RBFOX1: variants seen among roughly 807,000 people sequenced by gnomAD.
RBFOX1 encodes the protein RNA binding fox-1 homolog 1.
In RBFOX1, 8 loss-of-function variants were observed where a neutral mutation model predicts 57.7. That is an observed-to-expected ratio of 0.14 (90% CI 0.08 to 0.25). The LOEUF (loss-of-function observed/expected upper bound fraction) is 0.25. Among genes scored for constraint, RBFOX1 ranks in the 10% least tolerant of loss-of-function variants. The pLI, the probability that RBFOX1 is intolerant of heterozygous loss-of-function variation, is 1.00. For missense variants in RBFOX1, 611 were observed against 548.5 expected (o/e 1.11, Z -1.14); for synonymous variants, 326 against 222.4 (o/e 1.47, Z -4.15).
At chr16:5,919,961 C>T (rs556609838) in intron 4 of RBFOX1, among the ~76,000 whole-genome samples, 67 of 151,990 alleles carry the variant, frequency 4.4e-4, no homozygotes, top group African/African-American at 1.4e-3. Context: ...TTTTTTTAGA[C>T]GGAGTCTCGC....
intron 1 of RBFOX1, among the ~76,000 whole-genome samples, chr16:6,103,806 C>G (rs567272599): frequency 6.6e-6 from 1 of 152,088 alleles, no homozygotes; most frequent in African/African-American, 2.4e-5. Context: ...GAAAGAGTCT[C>G]CCTGGGGCCC....
At chr16:7,247,237 C>T (rs529171233) in intron 4 of RBFOX1, among the ~76,000 whole-genome samples, 1 of 152,238 alleles carries the variant, frequency 6.6e-6, no homozygotes, top group African/African-American at 2.4e-5. Context: ...AGAGAAACTT[C>T]TATTGTGCAA....
chr16:6,513,479 A>G (rs2096295813), intron 2 of RBFOX1, among the ~76,000 whole-genome samples: 1 of 152,146 alleles, frequency 6.6e-6, no homozygotes, highest in Admixed American at 6.5e-5. Flanking sequence ...CACGTCTGTA[A>G]TCTCATCACT....
chr16:7,388,673 A>G (rs1597193712), intron 4 of RBFOX1, among the ~76,000 whole-genome samples: 2 of 116,166 alleles, frequency 1.7e-5, no homozygotes, highest in South Asian at 5.5e-4. Flanking sequence ...TTTTTTTGAC[A>G]TTATGAATGA....
At chr16:6,494,902 G>A (rs1340151034) in intron 2 of RBFOX1, among the ~76,000 whole-genome samples, 1 of 152,140 alleles carries the variant, frequency 6.6e-6, no homozygotes, top group African/African-American at 2.4e-5. Flanking sequence ...ATGCCAGGCT[G>A]TATTCTAAGC....
chr16:7,703,137 C>T (rs532295022), intron 14 of RBFOX1, among the ~76,000 whole-genome samples: 3 of 152,336 alleles, frequency 2.0e-5, no homozygotes, highest in South Asian at 2.1e-4. Flanking sequence ...TGTTGCTATG[C>T]TGTACGGTAA....
intron 3 of RBFOX1, among the ~76,000 whole-genome samples, chr16:6,872,043 G>C (rs900033585): frequency 1.3e-5 from 2 of 150,860 alleles, no homozygotes; most frequent in African/African-American, 4.9e-5. Context: ...TGTAGGTATC[G>C]TTTCTGGAAA....
At chr16:6,638,993 G>C (rs1371832617) in intron 2 of RBFOX1, among the ~76,000 whole-genome samples, 3 of 152,190 alleles carry the variant, frequency 2.0e-5, no homozygotes, top group Admixed American at 6.5e-5. Context: ...GATGGCTCGA[G>C]TTCAAGTGAA....
At chr16:6,855,034 G>A (rs191791333) in intron 3 of RBFOX1, among the ~76,000 whole-genome samples, 35 of 152,100 alleles carry the variant, frequency 2.3e-4, no homozygotes, top group Non-Finnish European at 4.6e-4. Flanking sequence ...TTTCACTGTT[G>A]GGAGGTGGGT....
chr16:6,213,395 C>T lies in RBFOX1; in HGVS notation c.-126-103600C>T, dbSNP rs559611767. ...CAGATTTCTGAAGCTTCTCTTAGCC[C>T]CATTCTGGCAACACTGGGCTGATTT... On this transcript the variant is annotated intron_variant, in intron 1 of 15. Transcript: ENST00000550418. Among the ~76,000 whole-genome samples, 5 of 152,124 alleles carry T rather than the reference C, an allele frequency of 3.3e-5. No individual in the cohort carries two copies. In the East Asian group the frequency reaches 9.7e-4, roughly 30 times the overall value.
At chr16:5,736,808 T>C (rs2052592633) in intron 3 of RBFOX1, among the ~76,000 whole-genome samples, 1 of 151,868 alleles carries the variant, frequency 6.6e-6, no homozygotes, top group Non-Finnish European at 1.5e-5. Context: ...TGTCTTTGTC[T>C]CTTTTTCATT....
chr16:7,468,064 G>C (rs1467849057), intron 4 of RBFOX1, among the ~76,000 whole-genome samples: 1 of 152,252 alleles, frequency 6.6e-6, no homozygotes, highest in East Asian at 1.9e-4. Context: ...AACAGAATCA[G>C]CTTAGCTGCT....
intron 2 of RBFOX1, among the ~76,000 whole-genome samples, chr16:6,486,375 A>G (rs2095482468): frequency 6.6e-6 from 1 of 151,978 alleles, no homozygotes; most frequent in African/African-American, 2.4e-5. Flanking sequence ...CACAGTTGTA[A>G]TCTGGTGAAA....
At chr16:6,527,169 A>T (rs2096592537) in intron 2 of RBFOX1, among the ~76,000 whole-genome samples, 1 of 152,202 alleles carries the variant, frequency 6.6e-6, no homozygotes, top group Non-Finnish European at 1.5e-5. Flanking sequence ...ATAAAAAGGG[A>T]TATAGGGAAA....
chr16:6,541,252 A>T (rs1411035134), intron 2 of RBFOX1, among the ~76,000 whole-genome samples: 1 of 152,192 alleles, frequency 6.6e-6, no homozygotes, highest in Non-Finnish European at 1.5e-5. Flanking sequence ...CTCCTGGAAT[A>T]GCCCGGGAAG....
intron 4 of RBFOX1, among the ~76,000 whole-genome samples, chr16:7,511,263 G>C (rs920092946): frequency 6.6e-6 from 1 of 152,178 alleles, no homozygotes; most frequent in Non-Finnish European, 1.5e-5. Context: ...TGCAAACCCT[G>C]ACTGGCTACC....
At chr16:6,559,957 A>T (rs1342661403) in intron 2 of RBFOX1, among the ~76,000 whole-genome samples, 1 of 152,284 alleles carries the variant, frequency 6.6e-6, no homozygotes, top group Middle Eastern at 3.4e-3. Flanking sequence ...GATGTTTTCC[A>T]ACCCACATGA....
At chr16:6,872,799 C>T (rs1263238280) in intron 3 of RBFOX1, among the ~76,000 whole-genome samples, 2 of 152,010 alleles carry the variant, frequency 1.3e-5, no homozygotes, top group African/African-American at 2.4e-5. Context: ...GAATTGATGC[C>T]TTCGAACAAA....
intron 3 of RBFOX1, among the ~76,000 whole-genome samples, chr16:6,785,906 A>C (rs1018238298): frequency 3.9e-5 from 6 of 152,338 alleles, no homozygotes; most frequent in African/African-American, 1.4e-4. Flanking sequence ...CATTTACAAA[A>C]AATGGCACTG....
Sources: gnomAD v4.1 joint callset for allele counts (sites outside exome capture counted in the v4.1 genomes callset) on GRCh38, gnomAD v4.1.1 for gene constraint, MANE v1.5 for transcripts, NCBI Gene and HGNC (gene_info 2026-07-23, HGNC 2026-07-21) for gene names.